SYT6: variants seen among roughly 807,000 people sequenced by gnomAD.
SYT6 encodes the protein synaptotagmin 6, also known as synaptotagmin-6.
SYT6 carries 24 observed loss-of-function variants against 38.4 expected under a neutral mutation model. The observed-to-expected ratio is 0.62, with a 90% CI of 0.45 to 0.88. The LOEUF (loss-of-function observed/expected upper bound fraction) is 0.88. SYT6 is among the 40% of genes least tolerant of loss of function. The probability of loss-of-function intolerance (pLI) is 0.00; values close to 1 mark genes in which losing one functional copy is unlikely to be tolerated. For synonymous variants in SYT6, 265 were observed against 241.9 expected (o/e 1.10, Z -0.89); for missense variants, 611 against 621.0 (o/e 0.98, Z 0.17).
At chr1:114,098,545 G>A (rs1675783601) in intron 5 of SYT6, among the ~76,000 whole-genome samples, 1 of 152,206 alleles carries the variant, frequency 6.6e-6, no homozygotes, top group African/African-American at 2.4e-5. Context: ...GGATATGCTG[G>A]GTCCAGATTA....
chr1:114,119,911 A>G (rs1202739946), intron 3 of SYT6, among the ~76,000 whole-genome samples: 1 of 152,098 alleles, frequency 6.6e-6, no homozygotes, highest in Non-Finnish European at 1.5e-5. Flanking sequence ...CTCTACTAAA[A>G]ATACAAAAAA....
intron 3 of SYT6, among the ~76,000 whole-genome samples, chr1:114,123,368 G>A (rs1323834260): frequency 1.3e-5 from 2 of 152,206 alleles, no homozygotes; most frequent in Non-Finnish European, 2.9e-5. Context: ...CCAAAGGCTC[G>A]AGGAGGGATG....
chr1:114,090,487 CA>C lies in SYT6; in HGVS notation c.*1646del, dbSNP rs1422498538. The C allele has an allele frequency of 9.8e-5, 15 of 152,354 alleles. No homozygotes were observed. Among genetic ancestry groups the C allele is most frequent in the Non-Finnish European group, 1.0e-4 (7 of 68,042 alleles). The allele number at this position is 152,354 out of a possible 1,614,324, so 9.4% of individuals were successfully genotyped here. A position where few individuals can be genotyped will look rare whatever the true frequency, so the allele number is the denominator to read the frequency against. On this transcript the variant is annotated 3_prime_UTR_variant, in exon 8 of 8. Coordinates refer to ENST00000610222, the MANE Select transcript of SYT6 (RefSeq NM_001253772.2). Reference sequence around the variant, plus strand: ...AAGATACTATGCAGCGTTCTATCAGCAGAGAAATCTGACAACTTGGTTTAAA... The same window carrying C: ...AAGATACTATGCAGCGTTCTATCAGCGAGAAATCTGACAACTTGGTTTAAA...
chr1:114,100,323 C>A (rs113914420), intron 4 of SYT6, among the ~76,000 whole-genome samples: 1 of 152,200 alleles, frequency 6.6e-6, no homozygotes, highest in Non-Finnish European at 1.5e-5. Flanking sequence ...GTGAATCTGT[C>A]AGGAGGTGCC....
At chr1:114,125,538 A>G (rs1218410937) in intron 3 of SYT6, among the ~76,000 whole-genome samples, 3 of 146,132 alleles carry the variant, frequency 2.1e-5, no homozygotes, top group Non-Finnish European at 4.5e-5. Flanking sequence ...GCTACAGTGG[A>G]TGGCTGATGA....
intron 3 of SYT6, among the ~76,000 whole-genome samples, chr1:114,129,200 C>T (rs568704612): frequency 6.6e-6 from 1 of 152,234 alleles, no homozygotes; most frequent in Non-Finnish European, 1.5e-5. Flanking sequence ...ATACTGCTGG[C>T]TGTGCTTTCA....
At chr1:114,132,997 C>A (rs1377569620) in intron 3 of SYT6, among the ~76,000 whole-genome samples, 1 of 152,196 alleles carries the variant, frequency 6.6e-6, no homozygotes, top group East Asian at 1.9e-4. Flanking sequence ...CACAACTCTG[C>A]TCATTTCCAA....
At chr1:114,095,062 T>C (rs995908068) in intron 6 of SYT6, among the ~76,000 whole-genome samples, 2 of 152,214 alleles carry the variant, frequency 1.3e-5, no homozygotes, top group Non-Finnish European at 1.5e-5. Flanking sequence ...ACGAGTGTCA[T>C]TTTTAGCTTC....
At chr1:114,095,843 G>A (rs949908483) in intron 6 of SYT6, among the ~76,000 whole-genome samples, 2 of 152,032 alleles carry the variant, frequency 1.3e-5, no homozygotes, top group Admixed American at 6.5e-5. Context: ...TGTATTTTTA[G>A]TAGAGACGGG....
chr1:114,127,029 A>G (rs1166494767), intron 3 of SYT6, among the ~76,000 whole-genome samples: 1 of 152,238 alleles, frequency 6.6e-6, no homozygotes, highest in Admixed American at 6.5e-5. Flanking sequence ...GGCCAAGTTT[A>G]GAAACAACTT....
chr1:114,099,043 C>A, intron 5 of SYT6, 51 bp downstream of exon 5: 5 of 1,555,210 alleles, frequency 3.2e-6, no homozygotes, highest in Non-Finnish European at 4.4e-6. Flanking sequence ...TGTGCTGGTG[C>A]TGGAGTGGGA....
intron 3 of SYT6, among the ~76,000 whole-genome samples, chr1:114,130,856 CT>C (rs1332143269): frequency 6.6e-6 from 1 of 152,214 alleles, no homozygotes; most frequent in Non-Finnish European, 1.5e-5. Flanking sequence ...AAGATGGACA[CT>C]TCGAAGGCGT....
At chr1:114,112,360 G>A (rs1323529722) in intron 3 of SYT6, among the ~76,000 whole-genome samples, 2 of 152,230 alleles carry the variant, frequency 1.3e-5, no homozygotes, top group African/African-American at 4.8e-5. Flanking sequence ...CAGCATCTGA[G>A]CATCTTCAGA....
rs1222191855 is a variant in SYT6, at chr1:114,092,182, G to GCTTCTCA, written c.*52-107_*52-101dup. 2.6e-6 allele frequency: 3 copies of GCTTCTCA among 1,135,476 alleles called. No individual in the cohort carries two copies. The African/African-American group carries it at 4.7e-5, about 18-fold the overall frequency. The allele number at this position is 1,135,476 out of a possible 1,614,324, so 70.3% of individuals were successfully genotyped here. On this transcript the variant is annotated intron_variant, in intron 7 of 7. Coordinates refer to ENST00000610222, the MANE Select transcript of SYT6 (RefSeq NM_001253772.2). ...CAATGCACTGAATTCACCTTTCCTA[G>GCTTCTCA]CTTCTCATAAGCTTTCTTGAATTTT...
intron 1 of SYT6, among the ~76,000 whole-genome samples, chr1:114,144,390 T>C (rs2774298): frequency 0.19 from 29,359 of 152,134 alleles, 3,579 homozygotes; most frequent in African/African-American, 0.33. Context: ...CAGCAGTGGT[T>C]CACAGAAGGG....
intron 3 of SYT6, among the ~76,000 whole-genome samples, chr1:114,105,564 T>A (rs1676249555): frequency 6.6e-6 from 1 of 151,964 alleles, no homozygotes; most frequent in Admixed American, 6.5e-5. Flanking sequence ...CCACCCCTCC[T>A]GCACACAGAA....
At chr1:114,153,519 A>G (rs990320114) in intron 1 of SYT6, 91 bp downstream of exon 1, 8 of 560,410 alleles carry the variant, frequency 1.4e-5, no homozygotes, top group African/African-American at 2.0e-5. Flanking sequence ...AGTTCTCTCT[A>G]GGTTCTGGGG....
At chr1:114,102,826 C>T (rs1226420737) in intron 4 of SYT6, among the ~76,000 whole-genome samples, 1 of 151,674 alleles carries the variant, frequency 6.6e-6, no homozygotes, top group East Asian at 1.9e-4. Flanking sequence ...GCAGTCTGAG[C>T]TGATGAGGGA....
intron 5 of SYT6, 35 bp from the exon 6 acceptor site, chr1:114,097,912 C>T: frequency 1.2e-6 from 2 of 1,609,134 alleles, no homozygotes; most frequent in South Asian, 2.2e-5. Flanking sequence ...CACTGGCTAC[C>T]AGACATGCCC....
Sources: allele counts gnomAD v4.1 joint callset (sites outside exome capture counted in the v4.1 genomes callset), GRCh38; gene constraint gnomAD v4.1.1; transcripts MANE v1.5; gene names NCBI Gene and HGNC (gene_info 2026-07-23, HGNC 2026-07-21).